TRRAP: variants seen among roughly 807,000 people sequenced by gnomAD.
TRRAP encodes transformation/transcription domain-associated protein.
Under a neutral mutation model 438.8 loss-of-function variants are expected in TRRAP, and 41 were observed. The ratio of observed to expected loss-of-function variants is 0.09; its 90% CI spans 0.07 to 0.12. TRRAP has a LOEUF of 0.12. TRRAP is among the 10% of genes least tolerant of loss of function. The pLI, the probability that TRRAP is intolerant of heterozygous loss-of-function variation, is 1.00. For missense variants in TRRAP, 3,122 were observed against 5,055.1 expected (o/e 0.62, Z 11.60); for synonymous variants, 1,994 against 1,962.9 (o/e 1.02, Z -0.42).
intron 48 of TRRAP, 111 bp from the exon 49 acceptor site, chr7:98,965,585 A>T: frequency 6.8e-7 from 1 of 1,464,950 alleles, no homozygotes; most frequent in South Asian, 1.2e-5. Flanking sequence ...GCAGGAAAAA[A>T]CATTGAGGGG....
intron 3 of TRRAP, among the ~76,000 whole-genome samples, chr7:98,886,309 G>A (rs1795692379): frequency 6.6e-6 from 1 of 150,506 alleles, no homozygotes; most frequent in South Asian, 2.1e-4. Context: ...CATAGATATA[G>A]ATATCTATAT....
At chr7:98,969,419 C>G (rs960582753) in intron 51 of TRRAP, among the ~76,000 whole-genome samples, 1 of 152,202 alleles carries the variant, frequency 6.6e-6, no homozygotes, top group Non-Finnish European at 1.5e-5. Context: ...ACCCTGTTTC[C>G]TGGCCATGTT....
chr7:98,941,562 A>G (rs905117167), intron 30 of TRRAP, among the ~76,000 whole-genome samples: 3 of 152,216 alleles, frequency 2.0e-5, no homozygotes, highest in Admixed American at 1.3e-4. Flanking sequence ...GAAAAAAAGA[A>G]TGGTGATGTG....
At chr7:98,900,027 A>T (rs1796404237) in intron 10 of TRRAP, among the ~76,000 whole-genome samples, 1 of 152,224 alleles carries the variant, frequency 6.6e-6, no homozygotes, top group Non-Finnish European at 1.5e-5. Context: ...GCTCAATGAC[A>T]GCTATGGCAT....
At chr7:98,962,724 G>A (rs934244637) in intron 47 of TRRAP, among the ~76,000 whole-genome samples, 5 of 152,342 alleles carry the variant, frequency 3.3e-5, no homozygotes, top group African/African-American at 4.8e-5. Context: ...AACAGGCACC[G>A]CAAGAGCTAC....
At chr7:98,953,080 T>C in intron 39 of TRRAP, 87 bp from the exon 40 acceptor site, 1 of 818,688 alleles carries the variant, frequency 1.2e-6, no homozygotes, top group Admixed American at 2.4e-5. Flanking sequence ...TGTGTGTGTG[T>C]TTTTAAGGCT....
intron 21 of TRRAP, among the ~76,000 whole-genome samples, chr7:98,922,558 C>T (rs756262950): frequency 1.3e-5 from 2 of 152,150 alleles, no homozygotes; most frequent in Non-Finnish European, 2.9e-5. Context: ...AGCATCATTC[C>T]ATCGTCACGT....
At chr7:98,879,464 AT>A (rs1795320187) in intron 1 of TRRAP, among the ~76,000 whole-genome samples, 1 of 150,424 alleles carries the variant, frequency 6.6e-6, no homozygotes, top group South Asian at 2.1e-4. Flanking sequence ...GTACCCTGGG[AT>A]GGGGATGGGC....
rs757868134 is a variant in TRRAP, at chr7:99,005,221, C to G, written c.10626C>G (p.Tyr3542Ter). The G allele has an allele frequency of 6.2e-7, 1 of 1,614,198 alleles. No homozygotes were observed. The highest frequency in any genetic ancestry group is 2.2e-5 in the East Asian group (1 of 44,888). ...GACACAATGGCAAGATCTACCCATA[C>G]CTCGTCATGAACGACGCCTGCCTCA... is the stretch of plus-strand genomic sequence containing the variant. ...IRGHNGKIYPYLVMNDACLTE... is the reference protein window; with the variant it reads ...IRGHNGKIYP The change falls in exon 69 of 73, where the codon TAC (tyrosine) becomes TAG (stop). Residue 3542 changes from tyrosine to a stop codon, truncating the protein, a stop_gained. Transcript: ENST00000456197. LOFTEE classifies it high-confidence loss of function. The surrounding 1 kb of genome is among the most constrained non-coding windows in gnomAD (Gnocchi z 5.1).
Position 98,976,798 on chromosome 7 carries a change from A to G in TRRAP, c.8247+28A>G. ...GAGGGTGCGCCTCAGTTTGTTAATT[A>G]CCTCTTCCCTGCCAGTGACTTCACA... On this transcript the variant is annotated intron_variant, in intron 55 of 72. Transcript: ENST00000456197. This position sits in a 1 kb window ranked among gnomAD's most constrained non-coding sequence, Gnocchi z 4.6. The G allele has an allele frequency of 6.2e-7, 1 of 1,606,704 alleles. No individual in the cohort carries two copies. The highest frequency in any genetic ancestry group is 8.5e-7 in the Non-Finnish European group (1 of 1,175,054).
intron 22 of TRRAP, 58 bp from the exon 23 acceptor site, chr7:98,927,109 T>G (rs1790083254): frequency 4.4e-6 from 7 of 1,588,392 alleles, no homozygotes; most frequent in Non-Finnish European, 6.0e-6. Context: ...GAAGTCCTAG[T>G]GGAGTCATCA....
intron 3 of TRRAP, among the ~76,000 whole-genome samples, chr7:98,889,398 G>A (rs996761214): frequency 6.6e-6 from 1 of 152,076 alleles, no homozygotes; most frequent in East Asian, 1.9e-4. Flanking sequence ...ATTAACTCAT[G>A]CAGTCTTCAC....
At chr7:98,985,750 A>T (rs1166310672) in intron 62 of TRRAP, among the ~76,000 whole-genome samples, 2 of 152,216 alleles carry the variant, frequency 1.3e-5, no homozygotes, top group Non-Finnish European at 1.5e-5. Context: ...ATTAGGAAGC[A>T]GTTTTGTCAA....
Position 98,929,982 on chromosome 7 carries a change from C to T in TRRAP, c.3176-7C>T. ...GTTCTCACGTGCCTTCCCATCTCTC[C>T]TTTTAGGCCCTTTCTTGCTGCCTTG... On this transcript the variant is annotated splice_polypyrimidine_tract_variant and splice_region_variant and intron_variant, in intron 23 of 72. Transcript: ENST00000456197. 1.2e-6 allele frequency: 2 copies of T among 1,613,960 alleles called. No homozygotes were observed.
In TRRAP at chr7:98,959,936, T is replaced by TAAA. The variant is rs780800568; in HGVS notation, c.6489+462_6489+464dup. On this transcript the variant is annotated intron_variant, in intron 45 of 72. Coordinates refer to ENST00000456197, the MANE Select transcript of TRRAP (RefSeq NM_001375524.1). ...ACAGAGCAAGCAAGACCTGGTCTCT[T>TAAA]AAAAAAAAAAAAAAAAAAGAAAAAG... is the stretch of plus-strand genomic sequence containing the variant. Among the ~76,000 whole-genome samples, 137 of 112,666 alleles carry TAAA rather than the reference T, an allele frequency of 1.2e-3. 1 individual carries two copies. Among genetic ancestry groups the TAAA allele is most frequent in the African/African-American group, 4.8e-3 (125 of 26,068 alleles). The allele number at this position is 112,666 out of a possible 152,430, so 73.9% of individuals were successfully genotyped here. A position where few individuals can be genotyped will look rare whatever the true frequency, so the allele number is the denominator to read the frequency against.
chr7:98,953,095 C>T (rs1791418044), intron 39 of TRRAP, 72 bp from the exon 40 acceptor site: 10 of 1,479,250 alleles, frequency 6.8e-6, no homozygotes, highest in South Asian at 3.6e-5. Flanking sequence ...AAGGCTTAAA[C>T]CTGTCGTATG....
chr7:98,978,571 A>G (rs921533658), intron 57 of TRRAP, among the ~76,000 whole-genome samples, 198 bp from the exon 58 acceptor site: 2 of 152,200 alleles, frequency 1.3e-5, no homozygotes, highest in Non-Finnish European at 2.9e-5. Context: ...GCTGAATAGC[A>G]GGTGGTTTGT....
chr7:98,904,483 C>CA (rs59353514), intron 12 of TRRAP, among the ~76,000 whole-genome samples: 5,110 of 45,130 alleles, frequency 0.11, 488 homozygotes, highest in African/African-American at 0.2. Flanking sequence ...GACTCTGTCT[C>CA]AAAAAAAAAA....
intron 45 of TRRAP, among the ~76,000 whole-genome samples, chr7:98,959,942 AAAAAAAAAAAAAG>A (rs1342941653): frequency 6.7e-6 from 1 of 149,586 alleles, no homozygotes; most frequent in Admixed American, 6.7e-5. Flanking sequence ...CTCTTAAAAA[AAAAAAAAAAAAAG>A]AAAAAGAAAA....
Sources: allele counts gnomAD v4.1 joint callset (sites outside exome capture counted in the v4.1 genomes callset), GRCh38; gene constraint gnomAD v4.1.1; non-coding constraint Gnocchi (gnomAD v3.1); transcripts MANE v1.5; gene names NCBI Gene and HGNC (gene_info 2026-07-23, HGNC 2026-07-21).